ANKHD1: variants seen among roughly 807,000 people sequenced by gnomAD.
The protein encoded by ANKHD1 is ankyrin repeat and KH domain containing 1, also known as ankyrin repeat and KH domain-containing protein 1.
In ANKHD1, 31 loss-of-function variants were observed where a neutral mutation model predicts 230.5. That is an observed-to-expected ratio of 0.13 (90% confidence interval 0.10 to 0.18). The LOEUF (loss-of-function observed/expected upper bound fraction) is 0.18. Ranked by LOEUF, ANKHD1 falls within the 10% of genes least tolerant of loss-of-function variation. The pLI, the probability that ANKHD1 is intolerant of heterozygous loss-of-function variation, is 1.00. For synonymous variants in ANKHD1, 1,074 were observed against 1,117.6 expected (o/e 0.96, Z 0.78); for missense variants, 2,256 against 3,071.3 (o/e 0.73, Z 6.27).
At position 140,506,781 on chromosome 5, in the gene ANKHD1, A is replaced by G. The variant is rs1752559328; in HGVS notation, c.3409-54A>G. The G allele has an allele frequency of 1.9e-6, 3 of 1,591,802 alleles. No individual in the cohort carries two copies. Among genetic ancestry groups the G allele is most frequent in the Non-Finnish European group, 2.6e-6 (3 of 1,174,638 alleles). ...CCTGTTTCTTTGTGTTTCCTTCATT[A>G]TAAGTTGAGCCCTTGGTGTAAACTC... On this transcript the variant is annotated intron_variant, in intron 18 of 33. Coordinates refer to ENST00000360839, the MANE Select transcript of ANKHD1 (RefSeq NM_017747.3). This position sits in a 1 kb window ranked among gnomAD's most constrained non-coding sequence, Gnocchi z 4.7.
At chr5:140,403,374 G>A (rs900359311) in intron 1 of ANKHD1, among the ~76,000 whole-genome samples, 2 of 151,988 alleles carry the variant, frequency 1.3e-5, no homozygotes, top group African/African-American at 4.8e-5. Context: ...TGGGATGGTA[G>A]GCATTAACTT....
chr5:140,505,816 G>C lies in ANKHD1; in HGVS notation c.3355G>C (p.Glu1119Gln). The C allele has an allele frequency of 4.3e-6, 7 of 1,611,916 alleles. No individual in the cohort carries two copies. The highest frequency in any genetic ancestry group is 5.1e-6 in the Non-Finnish European group (6 of 1,179,174). ...AGGTGGAGATATAGAAGCACAGTCT[G>C]AACGAACTAAGGATACTCCGCTTTC... ...DKGGDIEAQS[E>Q]RTKDTPLSLA... Residue 1119 changes from glutamate to glutamine, a missense_variant, in exon 18 of 34, where the codon GAA becomes CAA. Physicochemically the swap from Glu to Gln is conservative, Grantham distance 29 (BLOSUM62 2). This residue lies in a region of ANKHD1 where 63 missense variants were observed against 125.5 expected (regional missense o/e 0.50). Coordinates refer to ENST00000360839, the MANE Select transcript of ANKHD1 (RefSeq NM_017747.3).
chr5:140,428,294 G>A (rs1477213656), intron 1 of ANKHD1, among the ~76,000 whole-genome samples: 1 of 152,256 alleles, frequency 6.6e-6, no homozygotes, highest in Non-Finnish European at 1.5e-5. Flanking sequence ...CTGCTGGGAG[G>A]TGGAGGTTGC....
chr5:140,495,302 G>A (rs1217703173), intron 14 of ANKHD1, among the ~76,000 whole-genome samples: 3 of 147,176 alleles, frequency 2.0e-5, no homozygotes, highest in African/African-American at 5.1e-5. Context: ...CTGGAGTGCA[G>A]TGGCGCAATC....
At chr5:140,495,058 T>C (rs920632974) in intron 14 of ANKHD1, among the ~76,000 whole-genome samples, 2 of 152,166 alleles carry the variant, frequency 1.3e-5, no homozygotes, top group Non-Finnish European at 2.9e-5. Context: ...TTCACTGTTA[T>C]AACCTCAGGC....
chr5:140,424,407 C>T (rs1321998128), intron 1 of ANKHD1, among the ~76,000 whole-genome samples: 2 of 152,112 alleles, frequency 1.3e-5, no homozygotes, highest in African/African-American at 4.8e-5. Context: ...CCCCAGCCTC[C>T]CAAGCAGCTC....
At position 140,539,593 on chromosome 5, in the gene ANKHD1, G is replaced by T. The variant is rs1173209611; in HGVS notation, c.*175G>T. ...CCTATCCACCTGATTATGTTCTCTG[G>T]TTAGTTTAGCCATTTTGAACTTAAG... On this transcript the variant is annotated 3_prime_UTR_variant, in exon 34 of 34. Coordinates refer to ENST00000360839, the MANE Select transcript of ANKHD1 (RefSeq NM_017747.3). 4 of 707,036 alleles carry T rather than the reference G, an allele frequency of 5.7e-6. No homozygotes were observed. In the African/African-American group the frequency reaches 7.2e-5, roughly 13 times the overall value. 43.8% of individuals were successfully genotyped at this position (707,036 alleles called of 1,614,324 possible).
At position 140,538,180 on chromosome 5, in the gene ANKHD1, G is replaced by A. The variant is rs1221945547; in HGVS notation, c.7323G>A (p.Met2441Ile). Residue 2441 changes from methionine (M) to isoleucine (I), a missense_variant, in exon 32 of 34, where the codon ATG becomes ATA. Coordinates refer to ENST00000360839, the MANE Select transcript of ANKHD1 (RefSeq NM_017747.3). The part of the protein sequence containing the change: ...DPSTFSQHQP[M>I]ERDDSGMVAP... ...GCACATTCTCCCAACATCAGCCAAT[G>A]GAGAGAGATGATTCTGGAATGGTAG... The A allele has an allele frequency of 6.2e-7, 1 of 1,614,184 alleles. No individual in the cohort carries two copies.
Position 140,506,491 on chromosome 5 carries a change from G to T in ANKHD1, c.3409-344G>T, listed in dbSNP as rs1272631992. Among the ~76,000 whole-genome samples, 1 of 152,088 alleles carries T rather than the reference G, an allele frequency of 6.6e-6. No homozygotes were observed. Among genetic ancestry groups the T allele is most frequent in the Non-Finnish European group, 1.5e-5 (1 of 68,008 alleles). ...TCCCCTTTTAAAAAATCTGTTTCTT[G>T]CCCTTAAAGCCAAATAAAAATTATC... is the stretch of plus-strand genomic sequence containing the variant. On this transcript the variant is annotated intron_variant, in intron 18 of 33. Transcript: ENST00000360839. The surrounding 1 kb of genome is among the most constrained non-coding windows in gnomAD (Gnocchi z 4.7).
chr5:140,402,145 G>A lies in ANKHD1; in HGVS notation c.178G>A (p.Gly60Ser), dbSNP rs770011324. The A allele has an allele frequency of 6.9e-5, 104 of 1,508,836 alleles. No homozygotes were observed. The highest frequency in any genetic ancestry group is 3.9e-4 in the Admixed American group (18 of 46,308). 93.5% of individuals were successfully genotyped at this position (1,508,836 alleles called of 1,614,324 possible). Residue 60 changes from glycine (G) to serine (S), a missense_variant, in exon 1 of 34, where the codon GGC becomes AGC. By Grantham distance (56) the Gly-to-Ser change is moderately conservative. Around this residue, in one of 13 missense-constraint regions of ANKHD1, gnomAD observed 193 missense variants for 185.8 expected, o/e 1.04. Transcript: ENST00000360839. ...GCCAGCGTCGGGAGTCGGCAGCAGC[G>A]GCGGCGGCGGCAGCGGCAGCGGTAC... Reference protein sequence around the residue: ...AGPASGVGSSGGGGSGSGTGG... With the variant: ...AGPASGVGSSSGGGSGSGTGG...
chr5:140,515,147 G>T (rs866860128), intron 24 of ANKHD1, among the ~76,000 whole-genome samples: 41 of 151,870 alleles, frequency 2.7e-4, no homozygotes, highest in East Asian at 3.9e-4. Context: ...GTGTGGTAGT[G>T]CATGCCTGTA....
chr5:140,450,134 T>C (rs1774602184), intron 7 of ANKHD1, among the ~76,000 whole-genome samples: 1 of 152,138 alleles, frequency 6.6e-6, no homozygotes, highest in Non-Finnish European at 1.5e-5. Context: ...TAAGACAGAT[T>C]TAATGGCAAG....
rs760375124 is a variant in ANKHD1, at chr5:140,485,520, T to TA, written c.1999-69_1999-68insA. ...TGCTTAGTATTTAATACTGTTTAAA[T>TA]GAGTTTTGATTTTATATGAGCTGCT... On this transcript the variant is annotated intron_variant, in intron 12 of 33. Coordinates refer to ENST00000360839, the MANE Select transcript of ANKHD1 (RefSeq NM_017747.3). The surrounding 1 kb of genome is among the most constrained non-coding windows in gnomAD (Gnocchi z 4.8). 102 of 1,588,642 alleles carry TA rather than the reference T, an allele frequency of 6.4e-5. No individual in the cohort carries two copies. The highest frequency in any genetic ancestry group is 1.1e-4 in the Admixed American group (6 of 54,462).
rs530084649 is a variant in ANKHD1 at position 140,489,482 on chromosome 5, T to TATAA, written c.2245+2443_2245+2446dup. On this transcript the variant is annotated intron_variant, in intron 14 of 33. Coordinates refer to ENST00000360839, the MANE Select transcript of ANKHD1 (RefSeq NM_017747.3). ...TCCAGCCTGGGCGACAGCCTCAAAA[T>TATAA]ATAAATAAATAAATAAATAAATAAC... 8.0e-4 allele frequency among the ~76,000 whole-genome samples: 122 copies of TATAA among 151,892 alleles called. 1 individual carries two copies. Among genetic ancestry groups the TATAA allele is most frequent in the East Asian group, 4.6e-3 (24 of 5,162 alleles).
chr5:140,429,220 A>G (rs1026391259), intron 1 of ANKHD1, among the ~76,000 whole-genome samples: 12 of 150,846 alleles, frequency 8.0e-5, no homozygotes, highest in Non-Finnish European at 1.5e-4. Flanking sequence ...CAGCCTCCCG[A>G]GTAGCTGGGA....
chr5:140,510,309 CTT>C (rs34693244), intron 22 of ANKHD1, 128 bp downstream of exon 22: 13,946 of 533,238 alleles, frequency 0.026, no homozygotes, highest in South Asian at 0.034. Context: ...TCTTTCCATT[CTT>C]TTTTTTTTTT....
In ANKHD1 at chr5:140,527,964, G is replaced by T. The variant is rs1440711834; in HGVS notation, c.5179G>T (p.Ala1727Ser). The change falls in exon 28 of 34, where the codon GCC (alanine) becomes TCC (serine). Residue 1727 changes from alanine to serine, a missense_variant. By Grantham distance (99) the Ala-to-Ser change is moderately conservative. This residue lies in a region of ANKHD1 where 23 missense variants were observed against 59.9 expected (regional missense o/e 0.38). Coordinates refer to ENST00000360839, the MANE Select transcript of ANKHD1 (RefSeq NM_017747.3). This position sits in a 1 kb window ranked among gnomAD's most constrained non-coding sequence, Gnocchi z 4.5. ...CACTGCAATACAGGATGTTACTGGT[G>T]CCCATATTGATGTGGATAAACAAAA... ...NITAIQDVTG[A>S]HIDVDKQKDK... 4.3e-6 allele frequency: 7 copies of T among 1,613,908 alleles called. No homozygotes were observed. The South Asian group carries it at 6.6e-5, about 15-fold the overall frequency.
chr5:140,475,545 A>C (rs897512012), intron 10 of ANKHD1, among the ~76,000 whole-genome samples: 6 of 151,704 alleles, frequency 4.0e-5, no homozygotes, highest in Admixed American at 1.3e-4. Flanking sequence ...GTATGTAAAA[A>C]ACAAAACAAA....
chr5:140,410,122 ATCTCACCC>A (rs1202812087), intron 1 of ANKHD1, among the ~76,000 whole-genome samples: 2 of 152,134 alleles, frequency 1.3e-5, no homozygotes, highest in Non-Finnish European at 2.9e-5. Context: ...TGAAGTCTCA[ATCTCACCC>A]TGCTCCCACA....
Sources: allele counts gnomAD v4.1 joint callset (sites outside exome capture counted in the v4.1 genomes callset), GRCh38; gene constraint gnomAD v4.1.1; regional missense constraint gnomAD v4.1.1; non-coding constraint Gnocchi (gnomAD v3.1); transcripts MANE v1.5; gene names NCBI Gene and HGNC (gene_info 2026-07-23, HGNC 2026-07-21).